GAPVD1: variants seen among roughly 807,000 people sequenced by gnomAD.
The protein encoded by GAPVD1 is GTPase-activating protein and VPS9 domain-containing protein 1.
In GAPVD1, 35 loss-of-function variants were observed where a neutral mutation model predicts 155.5. The ratio of observed to expected loss-of-function variants is 0.23; its 90% CI spans 0.17 to 0.30. The LOEUF is 0.30. GAPVD1 is among the 10% of genes least tolerant of loss of function. The pLI is 1.00. For synonymous variants in GAPVD1, 636 were observed against 619.7 expected (o/e 1.03, Z -0.39); for missense variants, 1,429 against 1,775.7 (o/e 0.80, Z 3.51).
At chr9:125,329,054 G>A (rs1425708996) in intron 12 of GAPVD1, among the ~76,000 whole-genome samples, 2 of 152,224 alleles carry the variant, frequency 1.3e-5, no homozygotes, top group Non-Finnish European at 2.9e-5. Flanking sequence ...GGAGGTTGCA[G>A]TGAGCCAAGA....
chr9:125,357,422 T>C (rs940292227), intron 25 of GAPVD1, among the ~76,000 whole-genome samples: 1 of 151,022 alleles, frequency 6.6e-6, no homozygotes, highest in African/African-American at 2.4e-5. Context: ...CTACTAAAAA[T>C]ACAAAAATTA....
intron 1 of GAPVD1, among the ~76,000 whole-genome samples, chr9:125,265,074 G>A (rs983470512): frequency 1.3e-5 from 2 of 152,138 alleles, no homozygotes; most frequent in African/African-American, 4.8e-5. Context: ...TTGTGCTTTT[G>A]TGAGCATTTG....
At chr9:125,284,008 G>A (rs1218685688) in intron 2 of GAPVD1, among the ~76,000 whole-genome samples, 1 of 151,774 alleles carries the variant, frequency 6.6e-6, no homozygotes, top group Non-Finnish European at 1.5e-5. Flanking sequence ...CAAGTAGCCA[G>A]GACTACAGGT....
At chr9:125,271,880 C>T (rs528098633) in intron 2 of GAPVD1, among the ~76,000 whole-genome samples, 1 of 152,226 alleles carries the variant, frequency 6.6e-6, no homozygotes, top group South Asian at 2.1e-4. Context: ...CTTTGTTTTA[C>T]TTGTGTTATT....
At chr9:125,351,796 A>G (rs770589046) in intron 23 of GAPVD1, among the ~76,000 whole-genome samples, 16 of 149,696 alleles carry the variant, frequency 1.1e-4, no homozygotes, top group South Asian at 6.3e-4. Flanking sequence ...GCTGGAGTGC[A>G]ATGGTGCGAT....
At position 125,330,228 on chromosome 9, in the gene GAPVD1, C is replaced by T. The variant is rs766791125; in HGVS notation, c.2173+10C>T. On this transcript the variant is annotated intron_variant, in intron 13 of 27. Coordinates refer to ENST00000297933, the MANE Select transcript of GAPVD1 (RefSeq NM_001282680.3). ...TTGCCAAGTGACTCAGGTTAGTATG[C>T]TGTCATTGTTTGCTTTTTCATTTAT... is the stretch of plus-strand genomic sequence containing the variant. 1 of 1,564,788 alleles carries T rather than the reference C, an allele frequency of 6.4e-7. No individual in the cohort carries two copies. The highest frequency in any genetic ancestry group is 1.2e-5 in the South Asian group (1 of 84,898).
Position 125,356,175 on chromosome 9 carries a change from G to A in GAPVD1, c.3971+318G>A, listed in dbSNP as rs937717250. On this transcript the variant is annotated intron_variant, in intron 25 of 27. Coordinates refer to ENST00000297933, the MANE Select transcript of GAPVD1 (RefSeq NM_001282680.3). ...TGCTTCAGGTCTTGACTTAAGTATC[G>A]TTTCCCTGATGAAGCCTGTCCTGAC... 3.3e-5 allele frequency among the ~76,000 whole-genome samples: 5 copies of A among 152,142 alleles called. 1 individual carries two copies. The highest frequency in any genetic ancestry group is 2.0e-4 in the Admixed American group (3 of 15,262).
intron 3 of GAPVD1, among the ~76,000 whole-genome samples, 180 bp from the exon 4 acceptor site, chr9:125,298,710 G>A (rs961119283): frequency 6.6e-6 from 1 of 151,702 alleles, no homozygotes; most frequent in East Asian, 1.9e-4. Flanking sequence ...GGGTGGTCTC[G>A]ATCTCTTGAT....
chr9:125,341,225 C>A lies in GAPVD1; in HGVS notation c.2926C>A (p.Pro976Thr). 1 of 1,602,386 alleles carries A rather than the reference C, an allele frequency of 6.2e-7. No individual in the cohort carries two copies. The highest frequency in any genetic ancestry group is 8.5e-7 in the Non-Finnish European group (1 of 1,171,634). Residue 976 changes from proline to threonine, a missense_variant, in exon 18 of 28, where the codon CCT becomes ACT. Around this residue, in one of 4 missense-constraint regions of GAPVD1, gnomAD observed 699 missense variants for 826.0 expected, o/e 0.85. Transcript: ENST00000297933. ...SDDEKSDRNR[P>T]WWRKRFVSAM... Reference sequence around the variant, plus strand: ...TGATGAGAAATCAGACAGGAACAGACCTTGGTGGAGAAAACGTTTTGTTTC... The same window carrying A: ...TGATGAGAAATCAGACAGGAACAGAACTTGGTGGAGAAAACGTTTTGTTTC...
intron 2 of GAPVD1, among the ~76,000 whole-genome samples, chr9:125,279,067 C>T (rs979992987): frequency 1.3e-5 from 2 of 151,170 alleles, no homozygotes; most frequent in Admixed American, 6.6e-5. Flanking sequence ...CAGAAATTAG[C>T]CAGGTGTGGT....
chr9:125,294,348 CTT>C (rs1236573488), intron 2 of GAPVD1, among the ~76,000 whole-genome samples: 12 of 127,904 alleles, frequency 9.4e-5, no homozygotes, highest in Non-Finnish European at 1.0e-4. Flanking sequence ...GCCAAAATGG[CTT>C]TTTTTTTTTT....
intron 1 of GAPVD1, among the ~76,000 whole-genome samples, chr9:125,263,167 A>T (rs1458294832): frequency 1.3e-5 from 2 of 152,244 alleles, no homozygotes; most frequent in East Asian, 3.8e-4. Context: ...ACTGCCAATG[A>T]GGTCCGTGCA....
In GAPVD1 at chr9:125,302,592, T is replaced by A. The variant is rs1841079384; in HGVS notation, c.795T>A (p.Phe265Leu). 1 of 1,613,912 alleles carries A rather than the reference T, an allele frequency of 6.2e-7. No homozygotes were observed. The highest frequency in any genetic ancestry group is 1.7e-5 in the Admixed American group (1 of 59,978). ...EAKLVALVNK[F>L]IGYLKQNTYC... ...AGCTAGTGGCTTTGGTGAACAAATTTATTGGTTATCTCAAACAGAACACAT... is the reference window on the plus strand; with the variant it reads ...AGCTAGTGGCTTTGGTGAACAAATTAATTGGTTATCTCAAACAGAACACAT... Residue 265 changes from phenylalanine (F) to leucine (L), a missense_variant, in exon 5 of 28, where the codon TTT becomes TTA. By Grantham distance (22) the Phe-to-Leu change is conservative. Transcript: ENST00000297933.
At chr9:125,357,104 G>A (rs559686716) in intron 25 of GAPVD1, among the ~76,000 whole-genome samples, 3 of 152,170 alleles carry the variant, frequency 2.0e-5, no homozygotes, top group Non-Finnish European at 4.4e-5. Context: ...CAGGGCATGA[G>A]CCACCATGCC....
intron 25 of GAPVD1, among the ~76,000 whole-genome samples, chr9:125,357,986 A>AACACAC (rs200675642): frequency 1.9e-4 from 28 of 150,550 alleles, no homozygotes; most frequent in African/African-American, 6.1e-4. Context: ...AAAAAAAAAA[A>AACACAC]ACACACACAC....
intron 6 of GAPVD1, among the ~76,000 whole-genome samples, chr9:125,305,542 T>C (rs1156322803): frequency 6.6e-6 from 1 of 152,152 alleles, no homozygotes; most frequent in African/African-American, 2.4e-5. Flanking sequence ...GGCTAATTTT[T>C]GTATTTTTAG....
intron 5 of GAPVD1, among the ~76,000 whole-genome samples, chr9:125,303,628 T>G (rs1370036894): frequency 6.6e-6 from 1 of 151,784 alleles, no homozygotes; most frequent in Non-Finnish European, 1.5e-5. Context: ...AATACAAAAT[T>G]AGCCAGGTGT....
chr9:125,328,205 T>A (rs1007644996), intron 12 of GAPVD1, among the ~76,000 whole-genome samples: 145 of 142,488 alleles, frequency 1.0e-3, no homozygotes, highest in Admixed American at 1.6e-3. Flanking sequence ...TTTTTTTTTT[T>A]AAATTTATTT....
intron 2 of GAPVD1, among the ~76,000 whole-genome samples, chr9:125,277,350 AAT>A (rs1835948667): frequency 1.3e-5 from 2 of 152,248 alleles, no homozygotes; most frequent in Admixed American, 1.3e-4. Context: ...CAAATGAGGA[AAT>A]ATCTGAGTCA....
Sources: allele counts gnomAD v4.1 joint callset (sites outside exome capture counted in the v4.1 genomes callset), GRCh38; gene constraint gnomAD v4.1.1; regional missense constraint gnomAD v4.1.1; transcripts MANE v1.5; gene names NCBI Gene and HGNC (gene_info 2026-07-23, HGNC 2026-07-21).